Variants in MEPE observed in about 807,000 individuals in gnomAD.
MEPE encodes the protein matrix extracellular phosphoglycoprotein.
Under a neutral mutation model 7.3 loss-of-function variants are expected in MEPE, and 7 were observed. That is an observed-to-expected ratio of 0.95 (90% CI 0.54 to 1.79). The LOEUF (loss-of-function observed/expected upper bound fraction) is 1.79, where lower values mean the gene tolerates loss of function less well. Ranked by LOEUF, MEPE falls within the 40% of genes most tolerant of loss-of-function variation. The probability of loss-of-function intolerance (pLI) is 0.00; values close to 1 mark genes in which losing one functional copy is unlikely to be tolerated. For missense variants in MEPE, 623 were observed against 628.2 expected (o/e 0.99, Z 0.09); for synonymous variants, 214 against 213.1 (o/e 1.00, Z -0.04).
At chr4:87,823,077 G>C (rs1722375533) in intron 1 of MEPE, among the ~76,000 whole-genome samples, 1 of 152,150 alleles carries the variant, frequency 6.6e-6, no homozygotes, top group Admixed American at 6.5e-5. Flanking sequence ...AAGGAGGCTG[G>C]CCACATAGGA....
intron 2 of MEPE, among the ~76,000 whole-genome samples, chr4:87,836,038 G>A (rs1195125545): frequency 6.6e-6 from 1 of 151,852 alleles, no homozygotes; most frequent in Non-Finnish European, 1.5e-5. Context: ...GGGTATAGAG[G>A]GGACAAGGGA....
intron 2 of MEPE, among the ~76,000 whole-genome samples, chr4:87,834,970 T>C (rs185712833): frequency 1.8e-4 from 27 of 152,348 alleles, no homozygotes; most frequent in African/African-American, 5.3e-4. Context: ...TTATGAGATC[T>C]GACAACATTG....
chr4:87,845,585 C>T lies in MEPE; in HGVS notation c.717C>T (p.Ser239=), dbSNP rs150454926. The T allele has an allele frequency of 6.7e-4, 1,084 of 1,612,934 alleles. 8 individuals are homozygous for T. Among genetic ancestry groups the T allele is most frequent in the South Asian group, 5.2e-3 (476 of 90,798 alleles). The part of the protein sequence containing the change: ...VKKIPSDFEG[S]GYTDLQERGD... Reference sequence around the variant, plus strand: ...AAATCCCCAGTGATTTTGAAGGCAGCGGTTATACAGATCTTCAAGAGAGAG... The same window carrying T: ...AAATCCCCAGTGATTTTGAAGGCAGTGGTTATACAGATCTTCAAGAGAGAG... Residue 239 remains serine, a synonymous_variant, in exon 4 of 4, where the codon AGC becomes AGT. Transcript: ENST00000361056.
At chr4:87,838,487 T>C in intron 2 of MEPE, 145 bp from the exon 3 acceptor site, 1 of 675,098 alleles carries the variant, frequency 1.5e-6, no homozygotes, top group Non-Finnish European at 2.6e-6. Flanking sequence ...ATGCGATGAG[T>C]GTGTCAATCT....
At chr4:87,838,822 C>T (rs1010416019) in intron 3 of MEPE, 137 bp downstream of exon 3, 3 of 655,816 alleles carry the variant, frequency 4.6e-6, no homozygotes, top group Non-Finnish European at 5.2e-6. Flanking sequence ...AATGTTGGCA[C>T]TTTCTAGTCA....
At chr4:87,823,840 A>T (rs931392470) in intron 1 of MEPE, among the ~76,000 whole-genome samples, 1 of 152,258 alleles carries the variant, frequency 6.6e-6, no homozygotes, top group African/African-American at 2.4e-5. Context: ...ATCAATTGAA[A>T]GTAAACCATG....
chr4:87,834,732 G>T lies in MEPE; in HGVS notation c.18G>T (p.Val6=), dbSNP rs768628022. ...TCTCAAAGATGCGAGTTTTCTGTGT[G>T]GGACTACTCCTTTTCAGTGTGACCT... MRVFC[V]GLLLFSVTWA... is the part of the protein sequence containing the mutation. Residue 6 remains valine (V), a synonymous_variant, in exon 2 of 4, where the codon GTG becomes GTT. Transcript: ENST00000361056. The T allele has an allele frequency of 3.7e-6, 6 of 1,613,136 alleles. No homozygotes were observed. Among genetic ancestry groups the T allele is most frequent in the Middle Eastern group, 1.7e-4 (1 of 6,054 alleles).
At chr4:87,830,647 G>T (rs1030426140), upstream of MEPE, among the ~76,000 whole-genome samples, 3 of 152,046 alleles carry the variant, frequency 2.0e-5, no homozygotes, top group African/African-American at 7.2e-5. Flanking sequence ...TAATACCTGG[G>T]TGATGTAGTA....
intron 3 of MEPE, chr4:87,839,602 A>G: frequency 1.1e-6 from 1 of 925,044 alleles, no homozygotes; most frequent in Non-Finnish European, 1.6e-6. Context: ...CAACTTTTAA[A>G]GTTTCTTATA....
chr4:87,841,430 C>T (rs1452964621), intron 3 of MEPE, among the ~76,000 whole-genome samples: 1 of 151,506 alleles, frequency 6.6e-6, no homozygotes, highest in African/African-American at 2.4e-5. Context: ...CAGAATATAC[C>T]CACCAATATT....
rs769933388 is a variant in MEPE, at chr4:87,845,164, A to T, written c.296A>T (p.Glu99Val). The T allele has an allele frequency of 1.3e-5, 21 of 1,613,714 alleles. No homozygotes were observed. The South Asian group carries it at 2.3e-4, about 18-fold the overall frequency. Residue 99 changes from glutamate to valine, a missense_variant, in exon 4 of 4, where the codon GAA becomes GTA. By Grantham distance (121) the Glu-to-Val change is moderately radical (BLOSUM62 -2). Coordinates refer to ENST00000361056, the MANE Select transcript of MEPE (RefSeq NM_020203.6). ...ACAAATAGACAGAGACTGAATAAAG[A>T]ATATAGTATCAGTAACAAAGAGAAT... ...YFTNRQRLNK[E>V]YSISNKENTH...
intron 2 of MEPE, among the ~76,000 whole-genome samples, chr4:87,837,355 C>G (rs75955762): frequency 5.8e-4 from 89 of 152,186 alleles, no homozygotes; most frequent in African/African-American, 1.8e-3. Context: ...TCCTTCCCCC[C>G]CTCCAGACTC....
upstream of MEPE, among the ~76,000 whole-genome samples, chr4:87,830,228 G>A (rs1033588988): frequency 2.6e-5 from 4 of 152,074 alleles, no homozygotes; most frequent in Non-Finnish European, 4.4e-5. Context: ...CCATTACTGG[G>A]TATATACCCG....
chr4:87,834,737 T>C lies in MEPE; in HGVS notation c.23T>C (p.Leu8Pro). The C allele has an allele frequency of 6.2e-7, 1 of 1,613,418 alleles. No individual in the cohort carries two copies. The highest frequency in any genetic ancestry group is 8.5e-7 in the Non-Finnish European group (1 of 1,179,692). The change falls in exon 2 of 4, where the codon CTA (leucine) becomes CCA (proline). Residue 8 changes from leucine to proline, a missense_variant. Coordinates refer to ENST00000361056, the MANE Select transcript of MEPE (RefSeq NM_020203.6). ...AAGATGCGAGTTTTCTGTGTGGGAC[T>C]ACTCCTTTTCAGTGTGACCTGGGCA... The part of the protein sequence containing the change: MRVFCVG[L>P]LLFSVTWAAP...
intron 1 of MEPE, among the ~76,000 whole-genome samples, chr4:87,824,903 A>G (rs1031459222): frequency 6.6e-6 from 1 of 152,186 alleles, no homozygotes. Flanking sequence ...GCTGGAGTGC[A>G]GTGGTGCAAT....
chr4:87,835,907 G>A (rs759496901), intron 2 of MEPE, among the ~76,000 whole-genome samples: 3 of 152,112 alleles, frequency 2.0e-5, no homozygotes, highest in Non-Finnish European at 2.9e-5. Context: ...TCCAGTAAAT[G>A]TGCTATGTCA....
At chr4:87,822,005 T>G (rs945335365) in intron 1 of MEPE, among the ~76,000 whole-genome samples, 7 of 152,196 alleles carry the variant, frequency 4.6e-5, no homozygotes, top group African/African-American at 1.7e-4. Flanking sequence ...CCTAACCAAC[T>G]AGCCCACACA....
intron 3 of MEPE, among the ~76,000 whole-genome samples, chr4:87,841,713 G>C (rs1001404585): frequency 6.6e-6 from 1 of 152,138 alleles, no homozygotes; most frequent in Non-Finnish European, 1.5e-5. Context: ...AAAAAAGAGA[G>C]AGTCCAATCA....
chr4:87,833,210 TTGA>T (rs1334232095), intron 1 of MEPE, among the ~76,000 whole-genome samples, 196 bp downstream of exon 1: 3 of 152,184 alleles, frequency 2.0e-5, no homozygotes, highest in Non-Finnish European at 2.9e-5. Flanking sequence ...TCAACTAAAA[TTGA>T]TGATTTGATA....
Sources: gnomAD v4.1 joint callset for allele counts (sites outside exome capture counted in the v4.1 genomes callset) on GRCh38, gnomAD v4.1.1 for gene constraint, MANE v1.5 for transcripts, NCBI Gene and HGNC (gene_info 2026-07-23, HGNC 2026-07-21) for gene names.